WBP2NL: variants seen among roughly 807,000 people sequenced by gnomAD.
WBP2NL encodes postacrosomal sheath WW domain-binding protein.
WBP2NL carries 27 observed loss-of-function variants against 23.3 expected under a neutral mutation model. The observed-to-expected ratio is 1.16, with a 90% confidence interval of 0.85 to 1.60. The LOEUF is 1.60. Ranked by LOEUF, WBP2NL falls within the 40% of genes most tolerant of loss-of-function variation. The probability of loss-of-function intolerance (pLI) is 0.00; values close to 1 mark genes in which losing one functional copy is unlikely to be tolerated. For missense variants in WBP2NL, 370 were observed against 389.5 expected, an observed-to-expected ratio of 0.95 and a Z score of 0.42; for synonymous variants, 151 against 145.9, an observed-to-expected ratio of 1.03 and a Z score of -0.25.
intron 5 of WBP2NL, 91 bp downstream of exon 5, chr22:42,022,447 A>T (rs1924067515): frequency 8.7e-7 from 1 of 1,153,374 alleles, no homozygotes; most frequent in Non-Finnish European, 1.2e-6. Context: ...TCCCTGCAGG[A>T]GCAGCAGCAG....
At chr22:42,052,548 G>A (rs1461848110) in intron 8 of WBP2NL, among the ~76,000 whole-genome samples, 1 of 152,164 alleles carries the variant, frequency 6.6e-6, no homozygotes, top group Non-Finnish European at 1.5e-5. Flanking sequence ...CCAGAGTGCT[G>A]GGATTAGAGG....
chr22:42,057,865 G>GTATA (rs59053683), intron 8 of WBP2NL, among the ~76,000 whole-genome samples: 3 of 59,672 alleles, frequency 5.0e-5, no homozygotes, highest in African/African-American at 1.7e-4. Context: ...ATGTGTGTGT[G>GTATA]TATGTATATA....
At chr22:42,024,607 T>C (rs1924307656) in intron 5 of WBP2NL, among the ~76,000 whole-genome samples, 1 of 152,180 alleles carries the variant, frequency 6.6e-6, no homozygotes, top group Admixed American at 6.5e-5. Flanking sequence ...GTTGAACATC[T>C]TTTAATGTGC....
At chr22:42,048,801 A>T (rs190049667) in intron 8 of WBP2NL, among the ~76,000 whole-genome samples, 3 of 152,090 alleles carry the variant, frequency 2.0e-5, no homozygotes, top group Admixed American at 2.0e-4. Flanking sequence ...TCAGCAAACT[A>T]GGAATAGAGG....
downstream of WBP2NL, chr22:42,032,712 G>T: frequency 2.1e-6 from 1 of 469,068 alleles, no homozygotes; most frequent in Non-Finnish European, 4.4e-6. Flanking sequence ...AGCCTGAAGA[G>T]GGTGGGGCAG....
chr22:42,041,421 A>G (rs1925394900), intron 8 of WBP2NL, among the ~76,000 whole-genome samples: 1 of 150,496 alleles, frequency 6.6e-6, no homozygotes. Context: ...GGCGGAGGTT[A>G]CAGTGAGCCG....
At chr22:42,004,754 T>C (rs1305518093) in intron 1 of WBP2NL, among the ~76,000 whole-genome samples, 1 of 151,788 alleles carries the variant, frequency 6.6e-6, no homozygotes, top group East Asian at 1.9e-4. Flanking sequence ...GGAAACCCCA[T>C]CTCTACTAAA....
rs1357101039 is a variant in WBP2NL, at chr22:42,027,913, G to A, written c.*732G>A. 1 of 398,272 alleles carries A rather than the reference G, an allele frequency of 2.5e-6. No homozygotes were observed. Among genetic ancestry groups the A allele is most frequent in the African/African-American group, 2.1e-5 (1 of 48,586 alleles). 24.7% of individuals were successfully genotyped at this position (398,272 alleles called of 1,614,324 possible). A position where few individuals can be genotyped will look rare whatever the true frequency, so the allele number is the denominator to read the frequency against. ...GCCGAATAACCAAGGCAATAGCATG[G>A]CCAGAAAACGTTTGAAAAGATGTTC... On this transcript the variant is annotated 3_prime_UTR_variant, in exon 6 of 6. Transcript: ENST00000328823.
intron 1 of WBP2NL, among the ~76,000 whole-genome samples, chr22:42,006,358 C>T (rs1400481199): frequency 6.6e-6 from 1 of 152,034 alleles, no homozygotes; most frequent in Admixed American, 6.6e-5. Context: ...GTAGCTGGGA[C>T]TGCAGGCACC....
At chr22:42,023,400 G>A (rs1286907308) in intron 5 of WBP2NL, among the ~76,000 whole-genome samples, 1 of 152,064 alleles carries the variant, frequency 6.6e-6, no homozygotes, top group East Asian at 1.9e-4. Context: ...TCCCTATGTT[G>A]TCCAGGCTGG....
chr22:42,042,525 C>A (rs1925433674), intron 8 of WBP2NL, among the ~76,000 whole-genome samples: 1 of 152,112 alleles, frequency 6.6e-6, no homozygotes, highest in Non-Finnish European at 1.5e-5. Flanking sequence ...TCTATCTTTG[C>A]TGAACTTCTC....
chr22:42,044,626 G>T (rs575379165), intron 8 of WBP2NL, among the ~76,000 whole-genome samples: 13 of 152,184 alleles, frequency 8.5e-5, no homozygotes, highest in African/African-American at 3.1e-4. Flanking sequence ...AACGAGGGGA[G>T]ACCCTGTCTC....
At chr22:42,042,880 G>A (rs1159796472) in intron 8 of WBP2NL, among the ~76,000 whole-genome samples, 3 of 152,076 alleles carry the variant, frequency 2.0e-5, no homozygotes, top group East Asian at 3.9e-4. Context: ...TGGGCAACAC[G>A]GTGAAACCCT....
At chr22:42,007,272 A>G (rs554310923) in intron 1 of WBP2NL, among the ~76,000 whole-genome samples, 8 of 152,156 alleles carry the variant, frequency 5.3e-5, no homozygotes, top group Non-Finnish European at 8.8e-5. Context: ...CATTCCTGCA[A>G]TGAACATTTT....
intron 1 of WBP2NL, among the ~76,000 whole-genome samples, chr22:42,006,112 C>G (rs374257194): frequency 6.8e-4 from 103 of 152,298 alleles, no homozygotes; most frequent in African/African-American, 2.4e-3. Context: ...TGACAATGCT[C>G]CTGTTCATCG....
intron 4 of WBP2NL, among the ~76,000 whole-genome samples, chr22:42,020,894 ATATATATATATATATTTTTTTTTTT>A (rs1448922154): frequency 5.0e-5 from 2 of 40,266 alleles, no homozygotes; most frequent in Non-Finnish European, 8.7e-5. Context: ...ATATATATAT[ATATATATATATATATTTTTTTTTTT>A]TTTTTTTTTT....
chr22:42,017,182 C>T (rs1391726310), intron 1 of WBP2NL, among the ~76,000 whole-genome samples: 2 of 152,132 alleles, frequency 1.3e-5, no homozygotes, highest in Non-Finnish European at 2.9e-5. Flanking sequence ...GGGTGGAGTG[C>T]AGTGGATCAC....
intron 8 of WBP2NL, among the ~76,000 whole-genome samples, chr22:42,053,439 CT>C (rs1474987437): frequency 2.0e-5 from 3 of 150,426 alleles, no homozygotes; most frequent in African/African-American, 7.3e-5. Flanking sequence ...ACATGGGCAT[CT>C]TTTTTTTTCC....
chr22:42,000,383 A>G (rs944906047), intron 1 of WBP2NL, among the ~76,000 whole-genome samples: 1 of 152,146 alleles, frequency 6.6e-6, no homozygotes, highest in African/African-American at 2.4e-5. Context: ...ACTGAGAGCC[A>G]TTTGAGCACT....
Sources: allele counts gnomAD v4.1 joint callset (sites outside exome capture counted in the v4.1 genomes callset), GRCh38; gene constraint gnomAD v4.1.1; transcripts MANE v1.5; gene names NCBI Gene and HGNC (gene_info 2026-07-23, HGNC 2026-07-21).